Variants in LUZP2 observed in about 807,000 individuals in gnomAD.
LUZP2 encodes leucine zipper protein 2.
Under a neutral mutation model 51.6 loss-of-function variants are expected in LUZP2, and 52 were observed. The observed-to-expected ratio is 1.01, with a 90% CI of 0.81 to 1.27. The LOEUF is 1.27. LUZP2 is among the 50% of genes most tolerant of loss of function. LUZP2 has a pLI of 0.00. For synonymous variants in LUZP2, 154 were observed against 137.3 expected (o/e 1.12, Z -0.85); for missense variants, 436 against 395.4 (o/e 1.10, Z -0.87).
intron 5 of LUZP2, among the ~76,000 whole-genome samples, chr11:24,831,141 C>G (rs975485304): frequency 7.2e-5 from 11 of 152,358 alleles, no homozygotes; most frequent in African/African-American, 2.6e-4. Context: ...AACTGACTAT[C>G]TAGCAGTTAT....
intron 1 of LUZP2, among the ~76,000 whole-genome samples, chr11:24,518,267 C>G (rs1284147028): frequency 1.3e-5 from 2 of 152,080 alleles, no homozygotes; most frequent in Non-Finnish European, 2.9e-5. Flanking sequence ...ATCCATGAGT[C>G]AATGGTAAAA....
chr11:24,900,732 G>A (rs1019771668), intron 5 of LUZP2, among the ~76,000 whole-genome samples: 2 of 152,128 alleles, frequency 1.3e-5, no homozygotes, highest in Non-Finnish European at 2.9e-5. Flanking sequence ...AACCAGAGGA[G>A]CTGTTTTTGT....
At chr11:24,544,863 A>G (rs951800191) in intron 1 of LUZP2, among the ~76,000 whole-genome samples, 4 of 152,020 alleles carry the variant, frequency 2.6e-5, no homozygotes, top group African/African-American at 9.7e-5. Context: ...GAATCACCAC[A>G]CTGTTTTCCA....
At chr11:25,004,320 C>A (rs138894800) in intron 9 of LUZP2, among the ~76,000 whole-genome samples, 2 of 152,144 alleles carry the variant, frequency 1.3e-5, no homozygotes, top group African/African-American at 2.4e-5. Context: ...ACAAGCCCTA[C>A]CAGATGATTG....
At chr11:24,984,521 A>ATT (rs1158709220) in intron 9 of LUZP2, among the ~76,000 whole-genome samples, 407 of 17,928 alleles carry the variant, frequency 0.023, 4 homozygotes, top group African/African-American at 0.028. Flanking sequence ...TAAATTACAT[A>ATT]TTTTATATAT....
intron 4 of LUZP2, among the ~76,000 whole-genome samples, chr11:24,740,241 A>G (rs186974053): frequency 6.6e-6 from 1 of 152,308 alleles, no homozygotes; most frequent in East Asian, 1.9e-4. Context: ...CTAAGGCATG[A>G]ACTCATAATT....
chr11:24,926,591 GTATA>G (rs528657237), intron 7 of LUZP2, among the ~76,000 whole-genome samples: 1 of 146,032 alleles, frequency 6.8e-6, no homozygotes, highest in Non-Finnish European at 1.5e-5. Flanking sequence ...ATATATGTGT[GTATA>G]TATATGTGTG....
At chr11:24,787,999 T>G (rs1190697520) in intron 5 of LUZP2, among the ~76,000 whole-genome samples, 21 of 151,958 alleles carry the variant, frequency 1.4e-4, no homozygotes, top group Admixed American at 1.4e-3. Context: ...CCCGTAAACT[T>G]TTTTGTAAAA....
intron 1 of LUZP2, among the ~76,000 whole-genome samples, chr11:24,579,458 T>C (rs1852772901): frequency 6.6e-6 from 1 of 152,120 alleles, no homozygotes; most frequent in Non-Finnish European, 1.5e-5. Flanking sequence ...TCTATTTTTA[T>C]AGAGCATAGA....
intron 1 of LUZP2, among the ~76,000 whole-genome samples, chr11:24,577,392 A>G (rs1233903801): frequency 6.6e-6 from 1 of 152,092 alleles, no homozygotes; most frequent in Non-Finnish European, 1.5e-5. Flanking sequence ...AATTTCTAGA[A>G]AAAACAGTCC....
rs118142487 is a variant in LUZP2 at position 25,041,843 on chromosome 11, C to T, written c.766-8195C>T. ...GTGAGAAGCAGGTGAGCAAGCATTACCACCTGAGCTCTGCCTCCTGTCAGA... is the reference window on the plus strand; with the variant it reads ...GTGAGAAGCAGGTGAGCAAGCATTATCACCTGAGCTCTGCCTCCTGTCAGA... On this transcript the variant is annotated intron_variant, in intron 9 of 11. Transcript: ENST00000336930. 7.8e-3 allele frequency among the ~76,000 whole-genome samples: 1,185 copies of T among 152,282 alleles called. 32 individuals are homozygous for T. The East Asian group carries it at 0.098, about 13-fold the overall frequency.
At chr11:24,628,306 T>C (rs1854755038) in intron 1 of LUZP2, among the ~76,000 whole-genome samples, 1 of 152,154 alleles carries the variant, frequency 6.6e-6, no homozygotes, top group South Asian at 2.1e-4. Flanking sequence ...TTGATCATTA[T>C]GCTGTTTTGC....
intron 1 of LUZP2, among the ~76,000 whole-genome samples, chr11:24,685,551 C>G (rs892860572): frequency 6.6e-6 from 1 of 152,114 alleles, no homozygotes; most frequent in African/African-American, 2.4e-5. Flanking sequence ...ATTTACTCCT[C>G]TCCCACACTG....
chr11:24,864,494 A>G (rs1464540043), intron 5 of LUZP2, among the ~76,000 whole-genome samples: 1 of 152,232 alleles, frequency 6.6e-6, no homozygotes, highest in Non-Finnish European at 1.5e-5. Context: ...TAATCTAGGC[A>G]TATAGCTCAA....
At chr11:24,674,762 C>T (rs1476395923) in intron 1 of LUZP2, among the ~76,000 whole-genome samples, 1 of 152,112 alleles carries the variant, frequency 6.6e-6, no homozygotes, top group Non-Finnish European at 1.5e-5. Context: ...CCTTCTTCCC[C>T]TTTTCTCCCT....
chr11:24,881,323 A>T (rs1036707118), intron 5 of LUZP2, among the ~76,000 whole-genome samples: 1 of 152,096 alleles, frequency 6.6e-6, no homozygotes, highest in African/African-American at 2.4e-5. Flanking sequence ...GCCAAAAAAA[A>T]AAAAAGAGAG....
chr11:24,606,993 T>A (rs1258022053), intron 1 of LUZP2, among the ~76,000 whole-genome samples: 4 of 152,048 alleles, frequency 2.6e-5, no homozygotes, highest in Non-Finnish European at 4.4e-5. Flanking sequence ...TACTTGGTTT[T>A]ATAGTTGTTT....
At chr11:24,929,571 T>C (rs1214559493) in intron 7 of LUZP2, among the ~76,000 whole-genome samples, 1 of 152,080 alleles carries the variant, frequency 6.6e-6, no homozygotes, top group African/African-American at 2.4e-5. Flanking sequence ...ATTCCACTGT[T>C]TTCTGAGAGA....
chr11:24,896,298 C>A (rs189043766), intron 5 of LUZP2, among the ~76,000 whole-genome samples: 1 of 151,990 alleles, frequency 6.6e-6, no homozygotes, highest in Non-Finnish European at 1.5e-5. Context: ...GGAGAGGCGC[C>A]GCCAGAACCG....
Sources: allele counts gnomAD v4.1 joint callset (sites outside exome capture counted in the v4.1 genomes callset), GRCh38; gene constraint gnomAD v4.1.1; transcripts MANE v1.5; gene names NCBI Gene and HGNC (gene_info 2026-07-23, HGNC 2026-07-21).